DLG2: variants seen among roughly 807,000 people sequenced by gnomAD.
DLG2 encodes the protein disks large homolog 2.
DLG2 carries 45 observed loss-of-function variants against 132.5 expected under a neutral mutation model. That is an observed-to-expected ratio of 0.34 (90% confidence interval 0.27 to 0.44). The LOEUF (loss-of-function observed/expected upper bound fraction) is 0.44. Ranked by LOEUF, DLG2 falls within the 20% of genes least tolerant of loss-of-function variation. The probability of loss-of-function intolerance (pLI) is 1.00; values close to 1 mark genes in which losing one functional copy is unlikely to be tolerated. For missense variants in DLG2, 1,045 were observed against 1,196.9 expected (o/e 0.87, Z 1.87); for synonymous variants, 424 against 419.6 (o/e 1.01, Z -0.13).
At chr11:85,412,061 C>T (rs2089360615) in intron 3 of DLG2, among the ~76,000 whole-genome samples, 1 of 151,790 alleles carries the variant, frequency 6.6e-6, no homozygotes, top group Non-Finnish European at 1.5e-5. Flanking sequence ...TAGTCTAAGC[C>T]AATCATGTTT....
At position 84,343,973 on chromosome 11, in the gene DLG2, A is replaced by G. The variant is rs1476838314; in HGVS notation, c.520-92682T>C. ...GTTATCTAGTTATGTCCTCTTGAAGAAAGAAAATGATGCCACCTGTTGAGT... is the reference window on the plus strand; with the variant it reads ...GTTATCTAGTTATGTCCTCTTGAAGGAAGAAAATGATGCCACCTGTTGAGT... On this transcript the variant is annotated intron_variant, in intron 7 of 27. Coordinates refer to ENST00000376104, the MANE Select transcript of DLG2 (RefSeq NM_001142699.3). Among the ~76,000 whole-genome samples, 4 of 152,190 alleles carry G rather than the reference A, an allele frequency of 2.6e-5. No homozygotes were observed. The East Asian group carries it at 5.8e-4, about 22-fold the overall frequency.
At chr11:83,945,549 A>C (rs1391427195) in intron 14 of DLG2, among the ~76,000 whole-genome samples, 2 of 152,336 alleles carry the variant, frequency 1.3e-5, no homozygotes, top group East Asian at 3.9e-4. Context: ...AGAGCCTATT[A>C]TTATATATTT....
rs943159825 is a variant in DLG2 at position 84,457,793 on chromosome 11, C to T, written c.519+76777G>A. 4.0e-5 allele frequency among the ~76,000 whole-genome samples: 6 copies of T among 150,794 alleles called. No individual in the cohort carries two copies. The Admixed American group carries it at 4.0e-4, about 10-fold the overall frequency. Reference sequence around the variant, plus strand: ...CCAAAGTTATATTTATAATTAAATTCGTGCAAAATTGATTAAATACAACAA... The same window carrying T: ...CCAAAGTTATATTTATAATTAAATTTGTGCAAAATTGATTAAATACAACAA... On this transcript the variant is annotated intron_variant, in intron 7 of 27. Coordinates refer to ENST00000376104, the MANE Select transcript of DLG2 (RefSeq NM_001142699.3).
intron 7 of DLG2, among the ~76,000 whole-genome samples, chr11:84,296,492 G>A (rs1166441708): frequency 1.3e-5 from 2 of 152,294 alleles, no homozygotes; most frequent in East Asian, 3.9e-4. Flanking sequence ...CTGGGGTGCA[G>A]TGGTGGTGCA....
At chr11:84,576,521 A>C (rs2099500497) in intron 6 of DLG2, among the ~76,000 whole-genome samples, 1 of 152,164 alleles carries the variant, frequency 6.6e-6, no homozygotes, top group African/African-American at 2.4e-5. Context: ...TAAGTTTTTG[A>C]AATAAAGTGT....
At chr11:84,480,805 G>C (rs575145301) in intron 7 of DLG2, among the ~76,000 whole-genome samples, 5 of 149,582 alleles carry the variant, frequency 3.3e-5, no homozygotes, top group Middle Eastern at 6.9e-3. Context: ...GCTCAGGCTG[G>C]AGTGCAATCG....
intron 6 of DLG2, among the ~76,000 whole-genome samples, chr11:84,628,726 C>G (rs17807932): frequency 0.066 from 10,104 of 152,210 alleles, 389 homozygotes; most frequent in South Asian, 0.087. Context: ...TCAGAAGTCA[C>G]TTGGTGGGTT....
At chr11:85,244,514 T>C (rs1019888517) in intron 4 of DLG2, among the ~76,000 whole-genome samples, 8 of 151,944 alleles carry the variant, frequency 5.3e-5, no homozygotes, top group Non-Finnish European at 4.4e-5. Flanking sequence ...GTGAAATGAA[T>C]GGGCAACCAT....
At position 85,523,521 on chromosome 11, in the gene DLG2, C is replaced by A. The variant is rs533075052; in HGVS notation, c.40+75136G>T. The stretch of plus-strand genomic sequence containing the variant: ...GAACATCAGAGAAATGAAAATCAAA[C>A]TACAATAAGTTATCATCTCCCCCAT... On this transcript the variant is annotated intron_variant, in intron 3 of 27. Coordinates refer to ENST00000376104, the MANE Select transcript of DLG2 (RefSeq NM_001142699.3). Among the ~76,000 whole-genome samples the A allele has an allele frequency of 2.0e-5, 3 of 152,216 alleles. No homozygotes were observed. The South Asian group carries it at 6.2e-4, about 32-fold the overall frequency.
At position 85,197,793 on chromosome 11, in the gene DLG2, T is replaced by C. The variant is rs185707352; in HGVS notation, c.187-43142A>G. 2.0e-4 allele frequency among the ~76,000 whole-genome samples: 30 copies of C among 152,244 alleles called. 1 individual carries two copies. The highest frequency in any genetic ancestry group is 6.0e-4 in the African/African-American group (25 of 41,542). On this transcript the variant is annotated intron_variant, in intron 4 of 27. Coordinates refer to ENST00000376104, the MANE Select transcript of DLG2 (RefSeq NM_001142699.3). ...AGGCCTCATACCATTGTATAAAGGA[T>C]ACATCCCTGGACAATTTCAGAAATT...
intron 12 of DLG2, among the ~76,000 whole-genome samples, chr11:83,966,617 T>C (rs1256461208): frequency 1.3e-5 from 2 of 152,024 alleles, no homozygotes; most frequent in African/African-American, 4.8e-5. Flanking sequence ...GGCTACTATA[T>C]AAAAAAATAA....
chr11:83,696,671 C>A (rs2082003510), intron 18 of DLG2, among the ~76,000 whole-genome samples: 1 of 152,140 alleles, frequency 6.6e-6, no homozygotes, highest in Non-Finnish European at 1.5e-5. Flanking sequence ...GTGTTCTCTA[C>A]CTTCCGAGAG....
At chr11:84,732,930 G>A (rs12807690) in intron 6 of DLG2, among the ~76,000 whole-genome samples, 126 of 152,056 alleles carry the variant, frequency 8.3e-4, no homozygotes, top group South Asian at 2.3e-3. Flanking sequence ...TGAGAATGAT[G>A]GTTTCCAGCT....
At chr11:85,059,368 A>G (rs1355818961) in intron 6 of DLG2, among the ~76,000 whole-genome samples, 1 of 151,576 alleles carries the variant, frequency 6.6e-6, no homozygotes, top group Non-Finnish European at 1.5e-5. Context: ...TTTCTACTAC[A>G]GTTAAACATA....
At chr11:84,065,035 G>C (rs931701960) in intron 10 of DLG2, among the ~76,000 whole-genome samples, 9 of 152,062 alleles carry the variant, frequency 5.9e-5, no homozygotes, top group Admixed American at 5.9e-4. Flanking sequence ...ATTGCAATTC[G>C]ACCCCTTCCT....
At chr11:84,731,898 C>A (rs1052596589) in intron 6 of DLG2, among the ~76,000 whole-genome samples, 1 of 151,952 alleles carries the variant, frequency 6.6e-6, no homozygotes, top group Admixed American at 6.6e-5. Flanking sequence ...CACCTTCAAA[C>A]GTTTCCACGT....
chr11:85,105,153 T>C (rs1754297190), intron 6 of DLG2, among the ~76,000 whole-genome samples: 6 of 151,922 alleles, frequency 3.9e-5, no homozygotes, highest in Admixed American at 3.9e-4. Flanking sequence ...TGAATACATG[T>C]CTATGTGTTT....
intron 15 of DLG2, among the ~76,000 whole-genome samples, chr11:83,896,432 A>C (rs961498186): frequency 2.6e-5 from 4 of 152,242 alleles, no homozygotes; most frequent in Non-Finnish European, 5.9e-5. Flanking sequence ...TAATCTGCCC[A>C]CATAAAGATG....
At chr11:84,410,322 G>A (rs534719762) in intron 7 of DLG2, among the ~76,000 whole-genome samples, 121 of 152,154 alleles carry the variant, frequency 8.0e-4, no homozygotes, top group African/African-American at 2.9e-3. Context: ...CAAGCTGATG[G>A]CTTCAACCCC....
Sources: allele counts gnomAD v4.1 joint callset (sites outside exome capture counted in the v4.1 genomes callset), GRCh38; gene constraint gnomAD v4.1.1; transcripts MANE v1.5; gene names NCBI Gene and HGNC (gene_info 2026-07-23, HGNC 2026-07-21).